PAQR5: variants seen among roughly 807,000 people sequenced by gnomAD.
The protein encoded by PAQR5 is membrane progestin receptor gamma.
PAQR5 carries 20 observed loss-of-function variants against 34.5 expected under a neutral mutation model. The ratio of observed to expected loss-of-function variants is 0.58; its 90% CI spans 0.41 to 0.84. PAQR5 has a LOEUF of 0.84. Ranked by LOEUF, PAQR5 falls within the 40% of genes least tolerant of loss-of-function variation. PAQR5 has a pLI of 0.00. For synonymous variants in PAQR5, 131 were observed against 155.6 expected (o/e 0.84, Z 1.18); for missense variants, 378 against 412.7 (o/e 0.92, Z 0.73).
chr15:69,374,450 T>C (rs1004623376), intron 3 of PAQR5, among the ~76,000 whole-genome samples: 3 of 152,108 alleles, frequency 2.0e-5, no homozygotes, highest in Non-Finnish European at 4.4e-5. Flanking sequence ...CCAAGGCTGG[T>C]GGATCACCTG....
rs1288052785 is a variant in PAQR5 at position 69,406,270 on chromosome 15, G to A, written c.*2448G>A. On this transcript the variant is annotated 3_prime_UTR_variant, in exon 9 of 9. Transcript: ENST00000395407. ...TCTCCCCACTCCCCTTGCTTGAGAA[G>A]CACTACTCAAAAATTTACCAGACCT... The A allele has an allele frequency of 6.6e-6, 1 of 152,142 alleles. No individual in the cohort carries two copies. Among genetic ancestry groups the A allele is most frequent in the Non-Finnish European group, 1.5e-5 (1 of 68,026 alleles). The allele number at this position is 152,142 out of a possible 1,614,324, so 9.4% of individuals were successfully genotyped here.
chr15:69,364,720 T>G (rs563944135), intron 3 of PAQR5, among the ~76,000 whole-genome samples: 6 of 151,662 alleles, frequency 4.0e-5, no homozygotes, highest in African/African-American at 1.5e-4. Flanking sequence ...TCTAGTTTGC[T>G]AGGATTTTTT....
At chr15:69,364,500 TTA>T (rs1288611151) in intron 3 of PAQR5, among the ~76,000 whole-genome samples, 3 of 145,470 alleles carry the variant, frequency 2.1e-5, no homozygotes, top group Admixed American at 6.9e-5. Flanking sequence ...ATTATATATG[TTA>T]TATATATACA....
At chr15:69,300,629 CTT>C (rs1172669105) in intron 1 of PAQR5, among the ~76,000 whole-genome samples, 15 of 48,612 alleles carry the variant, frequency 3.1e-4, no homozygotes, top group Non-Finnish European at 4.4e-4. Context: ...TTCTTTCTTT[CTT>C]TCTTTCTTTC....
At chr15:69,321,992 T>A (rs1210413698) in intron 1 of PAQR5, among the ~76,000 whole-genome samples, 3 of 152,132 alleles carry the variant, frequency 2.0e-5, no homozygotes, top group African/African-American at 7.2e-5. Flanking sequence ...AAGCTAATTT[T>A]ACCCTAGAAA....
chr15:69,346,613 C>G (rs1370562174), intron 2 of PAQR5, among the ~76,000 whole-genome samples: 1 of 145,566 alleles, frequency 6.9e-6, no homozygotes, highest in East Asian at 2.0e-4. Context: ...CTACCACGTC[C>G]AGCTGCAATT....
chr15:69,346,269 TC>T (rs1366222984), intron 2 of PAQR5, among the ~76,000 whole-genome samples: 6 of 150,668 alleles, frequency 4.0e-5, no homozygotes, highest in Non-Finnish European at 8.9e-5. Flanking sequence ...CATGATGACT[TC>T]CTGTGATTGG....
chr15:69,376,501 C>CA (rs1269423516), intron 3 of PAQR5, among the ~76,000 whole-genome samples: 1 of 152,172 alleles, frequency 6.6e-6, no homozygotes, highest in Non-Finnish European at 1.5e-5. Context: ...GTTCCATAGA[C>CA]AGAGGTTCAA....
intron 2 of PAQR5, among the ~76,000 whole-genome samples, chr15:69,358,824 C>G (rs1447180968): frequency 6.6e-6 from 1 of 151,902 alleles, no homozygotes; most frequent in Non-Finnish European, 1.5e-5. Context: ...CTATATCACC[C>G]AGGCTGGTCT....
chr15:69,382,639 G>C (rs2055919306), intron 4 of PAQR5, among the ~76,000 whole-genome samples: 1 of 14,008 alleles, frequency 7.1e-5, no homozygotes, highest in African/African-American at 2.9e-4. Flanking sequence ...GCAAGACTCT[G>C]TCTCAAAAAA....
intron 1 of PAQR5, among the ~76,000 whole-genome samples, chr15:69,329,794 G>A (rs535893864): frequency 9.9e-5 from 15 of 151,960 alleles, no homozygotes; most frequent in African/African-American, 3.1e-4. Flanking sequence ...CTCAATTTTC[G>A]GTTTTTAAAT....
In PAQR5 at chr15:69,301,362, G is replaced by C. The variant is rs570233826; in HGVS notation, c.-277+2306G>C. 8.9e-4 allele frequency among the ~76,000 whole-genome samples: 135 copies of C among 152,316 alleles called. 1 individual carries two copies. The highest frequency in any genetic ancestry group is 1.5e-3 in the Non-Finnish European group (103 of 68,038). On this transcript the variant is annotated intron_variant, in intron 1 of 8. Transcript: ENST00000395407. Reference sequence around the variant, plus strand: ...CACTTTACCCTTGTCCCGCCAAGGAGAGGCCGAGGCTGGTGGGTTCCATGC... The same window carrying C: ...CACTTTACCCTTGTCCCGCCAAGGACAGGCCGAGGCTGGTGGGTTCCATGC...
chr15:69,392,086 T>C (rs2056291710), intron 6 of PAQR5: 1 of 244,060 alleles, frequency 4.1e-6, no homozygotes, highest in Admixed American at 5.2e-5. Context: ...TGATCCAAGA[T>C]GGCTTCCCCA....
At chr15:69,305,885 G>A (rs2053705143) in intron 1 of PAQR5, among the ~76,000 whole-genome samples, 1 of 152,196 alleles carries the variant, frequency 6.6e-6, no homozygotes, top group Non-Finnish European at 1.5e-5. Flanking sequence ...TTTGGCAGGG[G>A]GAGGGGTTTG....
intron 1 of PAQR5, among the ~76,000 whole-genome samples, chr15:69,318,664 G>C (rs1295630651): frequency 6.6e-6 from 1 of 151,860 alleles, no homozygotes; most frequent in African/African-American, 2.4e-5. Flanking sequence ...TTATCTGCAA[G>C]GGAGGTAGTT....
intron 1 of PAQR5, among the ~76,000 whole-genome samples, chr15:69,299,345 C>T (rs1243603411): frequency 1.3e-5 from 2 of 152,222 alleles, no homozygotes; most frequent in East Asian, 1.9e-4. Flanking sequence ...CTGTTGCCTT[C>T]TCGCACCTTT....
intron 3 of PAQR5, among the ~76,000 whole-genome samples, chr15:69,375,476 A>G (rs894908188): frequency 2.6e-5 from 4 of 152,214 alleles, no homozygotes; most frequent in African/African-American, 2.4e-5. Flanking sequence ...GATTTAGTTC[A>G]TAATGGCACT....
At chr15:69,378,264 T>TAG (rs2055766663) in intron 3 of PAQR5, among the ~76,000 whole-genome samples, 1 of 59,684 alleles carries the variant, frequency 1.7e-5, no homozygotes, top group Non-Finnish European at 2.6e-5. Context: ...GACTCCATCT[T>TAG]AAAAAAAAAA....
intron 2 of PAQR5, among the ~76,000 whole-genome samples, chr15:69,339,970 G>A (rs970482377): frequency 6.6e-6 from 1 of 152,176 alleles, no homozygotes; most frequent in Non-Finnish European, 1.5e-5. Flanking sequence ...GGGTTCAAGC[G>A]ATTCTTCTAC....
Sources: allele counts gnomAD v4.1 joint callset (sites outside exome capture counted in the v4.1 genomes callset), GRCh38; gene constraint gnomAD v4.1.1; transcripts MANE v1.5; gene names NCBI Gene and HGNC (gene_info 2026-07-23, HGNC 2026-07-21).